Variants in TP53BP1 observed in about 807,000 individuals in gnomAD.
The protein encoded by TP53BP1 is tumor protein p53 binding protein 1.
Under a neutral mutation model 200.8 loss-of-function variants are expected in TP53BP1, and 61 were observed. That is an observed-to-expected ratio of 0.30 (90% CI 0.25 to 0.38). TP53BP1 has a LOEUF of 0.38. Ranked by LOEUF, TP53BP1 falls within the 10% of genes least tolerant of loss-of-function variation. TP53BP1 has a pLI of 1.00. For missense variants in TP53BP1, 2,144 were observed against 2,371.9 expected, an observed-to-expected ratio of 0.90 and a Z score of 2.00; for synonymous variants, 822 against 844.3, an observed-to-expected ratio of 0.97 and a Z score of 0.46.
intron 11 of TP53BP1, among the ~76,000 whole-genome samples, chr15:43,457,515 C>A (rs1386163495): frequency 4.0e-5 from 6 of 151,108 alleles, no homozygotes; most frequent in Non-Finnish European, 8.9e-5. Context: ...ACTAAAAATA[C>A]AAAAAAATCA....
intron 12 of TP53BP1, among the ~76,000 whole-genome samples, chr15:43,454,019 G>A (rs560950870): frequency 8.6e-5 from 13 of 151,834 alleles, no homozygotes; most frequent in Non-Finnish European, 1.3e-4. Flanking sequence ...ATCCTGGCCA[G>A]CATGGTGAAA....
At chr15:43,491,823 C>T (rs1467371119) in intron 3 of TP53BP1, 70 bp from the exon 4 acceptor site, 1 of 1,302,052 alleles carries the variant, frequency 7.7e-7, no homozygotes, top group East Asian at 2.3e-5. Flanking sequence ...ATCAGGAATA[C>T]AGACAATACC....
chr15:43,425,429 C>T (rs1417496664), intron 18 of TP53BP1, among the ~76,000 whole-genome samples: 1 of 152,164 alleles, frequency 6.6e-6, no homozygotes, highest in African/African-American at 2.4e-5. Context: ...CAAGACCAGT[C>T]TGGGCAACAC....
chr15:43,494,670 A>G (rs1455171739), upstream of TP53BP1, among the ~76,000 whole-genome samples: 1 of 152,246 alleles, frequency 6.6e-6, no homozygotes, highest in Admixed American at 6.5e-5. Context: ...AGACCAGGTT[A>G]GAGCAATACT....
rs1364542419 is a variant in TP53BP1 at position 43,477,713 on chromosome 15, C to T, written c.835G>A (p.Glu279Lys). The part of the protein sequence containing the change: ...FSPKASVAAM[E>K]AKEQLSAQEL... The stretch of plus-strand genomic sequence containing the variant: ...TGTGCAGACAACTGTTCTTTTGCTT[C>T]CATAGCAGCAACAGATGCTTTGGGG... Residue 279 changes from glutamate to lysine, a missense_variant, in exon 8 of 28, where the codon GAA (glutamate) becomes AAA (lysine). Glu to Lys is a moderately conservative substitution (Grantham distance 56). This residue lies in a region of TP53BP1 where 1,700 missense variants were observed against 1,710.3 expected (regional missense o/e 0.99). Coordinates refer to ENST00000382044, the MANE Select transcript of TP53BP1 (RefSeq NM_001141980.3). 2.5e-6 allele frequency: 4 copies of T among 1,612,690 alleles called. No homozygotes were observed. The highest frequency in any genetic ancestry group is 3.4e-6 in the Non-Finnish European group (4 of 1,179,480).
At chr15:43,423,524 G>A (rs1397151198) in intron 18 of TP53BP1, among the ~76,000 whole-genome samples, 3 of 151,844 alleles carry the variant, frequency 2.0e-5, no homozygotes, top group Non-Finnish European at 4.4e-5. Flanking sequence ...GGGCATGGTG[G>A]TGCACTCCTG....
chr15:43,474,775 T>C lies in TP53BP1; in HGVS notation c.1086-8A>G, dbSNP rs761793612. On this transcript the variant is annotated splice_region_variant and splice_polypyrimidine_tract_variant and intron_variant, in intron 9 of 27. Coordinates refer to ENST00000382044, the MANE Select transcript of TP53BP1 (RefSeq NM_001141980.3). ...ACAAGATCTGAAGAATTCCTTTATA[T>C]AAAGAGAGAATCACAGGTTATTTTA... is the stretch of plus-strand genomic sequence containing the variant. The C allele has an allele frequency of 4.4e-6, 7 of 1,584,410 alleles. No homozygotes were observed. Among genetic ancestry groups the C allele is most frequent in the South Asian group, 3.3e-5 (3 of 89,986 alleles).
chr15:43,446,796 T>A, intron 13 of TP53BP1: 1 of 1,504,028 alleles, frequency 6.6e-7, no homozygotes, highest in South Asian at 1.2e-5. Context: ...AGGATTCAGT[T>A]CCACTTCTGC....
At chr15:43,432,802 T>G in intron 16 of TP53BP1, 125 bp from the exon 17 acceptor site, 1 of 1,083,986 alleles carries the variant, frequency 9.2e-7, no homozygotes, top group Non-Finnish European at 1.3e-6. Context: ...ATTTGAGAAA[T>G]GTAAGGAAGG....
chr15:43,483,272 A>C (rs1007906483), intron 4 of TP53BP1, among the ~76,000 whole-genome samples: 2 of 151,450 alleles, frequency 1.3e-5, no homozygotes, highest in African/African-American at 4.9e-5. Context: ...ACACACACAC[A>C]GAACAAATGT....
chr15:43,499,069 A>G (rs2079196433), intron 1 of TP53BP1, among the ~76,000 whole-genome samples: 1 of 152,222 alleles, frequency 6.6e-6, no homozygotes, highest in South Asian at 2.1e-4. Flanking sequence ...CTTATGTTTC[A>G]ATGGAAAGAA....
chr15:43,403,459 G>A lies in TP53BP1; in HGVS notation c.*3924C>T, dbSNP rs2044742958. ...GGCTAGATTGGAGGTTTGGTGCAGGGCTAAGAGAGTAATACTCGCTTAGCC... is the reference window on the plus strand; with the variant it reads ...GGCTAGATTGGAGGTTTGGTGCAGGACTAAGAGAGTAATACTCGCTTAGCC... On this transcript the variant is annotated 3_prime_UTR_variant, in exon 28 of 28. Transcript: ENST00000382044. 2 of 471,802 alleles carry A rather than the reference G, an allele frequency of 4.2e-6. No homozygotes were observed. The highest frequency in any genetic ancestry group is 3.6e-5 in the Admixed American group (1 of 27,560). 29.2% of individuals were successfully genotyped at this position (471,802 alleles called of 1,614,324 possible).
In TP53BP1 at chr15:43,406,095, GA is replaced by G. The variant is rs2044865109; in HGVS notation, c.*1287del. 8.1e-6 allele frequency: 1 copy of G among 123,780 alleles called. No homozygotes were observed. The allele number at this position is 123,780 out of a possible 1,614,324, so 7.7% of individuals were successfully genotyped here. On this transcript the variant is annotated 3_prime_UTR_variant, in exon 28 of 28. Transcript: ENST00000382044. The stretch of plus-strand genomic sequence containing the variant: ...TATTCTCCAAGAAAAAGGTCCTTAA[GA>G]AAAAATTGAGATCAAGTTGTTAGAT...
intron 12 of TP53BP1, among the ~76,000 whole-genome samples, chr15:43,454,750 G>A (rs1202823458): frequency 6.6e-6 from 1 of 151,466 alleles, no homozygotes; most frequent in Non-Finnish European, 1.5e-5. Flanking sequence ...TTATTTTTGG[G>A]AAACAGAGTC....
At position 43,479,500 on chromosome 15, in the gene TP53BP1, C is replaced by A; in HGVS notation, c.685G>T (p.Glu229Ter). Residue 229 changes from glutamate to a stop codon, truncating the protein, a stop_gained, in exon 7 of 28, where the codon GAA (glutamate) becomes TAA (stop). Coordinates refer to ENST00000382044, the MANE Select transcript of TP53BP1 (RefSeq NM_001141980.3). LOFTEE classifies it high-confidence loss of function. ...GACTGTTCTGCTATGGGGATATCTT[C>A]GTTGGACTGTTCTTCATGCTTAATT... ...TAIKHEEQSN[E>*]DIPIAEQSSK... is the part of the protein sequence containing the mutation. 6.2e-7 allele frequency: 1 copy of A among 1,612,718 alleles called. No homozygotes were observed. The highest frequency in any genetic ancestry group is 8.5e-7 in the Non-Finnish European group (1 of 1,179,540).
At chr15:43,467,887 G>A (rs948634988) in intron 11 of TP53BP1, among the ~76,000 whole-genome samples, 99 of 151,722 alleles carry the variant, frequency 6.5e-4, no homozygotes, top group African/African-American at 2.2e-3. Flanking sequence ...AGGTTCAAGC[G>A]ATTCTCCTGC....
At chr15:43,466,297 A>G (rs145391783) in intron 11 of TP53BP1, among the ~76,000 whole-genome samples, 1 of 152,316 alleles carries the variant, frequency 6.6e-6, no homozygotes, top group African/African-American at 2.4e-5. Flanking sequence ...CAAAAAGATG[A>G]AACAGAAAGT....
Position 43,404,651 on chromosome 15 carries a change from C to A in TP53BP1, c.*2732G>T. The A allele has an allele frequency of 7.7e-7, 1 of 1,305,034 alleles. No homozygotes were observed. Among genetic ancestry groups the A allele is most frequent in the Non-Finnish European group, 1.1e-6 (1 of 938,478 alleles). 80.8% of individuals were successfully genotyped at this position (1,305,034 alleles called of 1,614,324 possible). ...GGAAGAAGACTTTAGTCCAAATACC[C>A]TCATTTTATAAGTAAGGCTTAGAGA... On this transcript the variant is annotated 3_prime_UTR_variant, in exon 28 of 28. Coordinates refer to ENST00000382044, the MANE Select transcript of TP53BP1 (RefSeq NM_001141980.3).
rs1027931242 is a variant in TP53BP1, at chr15:43,467,426, T to C, written c.1389+2432A>G. ...GGACTGCACTGGCTAAGGCATCTTA[T>C]AAAATATGAGTTCAAAGAAACCTGA... On this transcript the variant is annotated intron_variant, in intron 11 of 27. Transcript: ENST00000382044. Among the ~76,000 whole-genome samples, 52 of 152,180 alleles carry C rather than the reference T, an allele frequency of 3.4e-4. 1 individual carries two copies.
Sources: gnomAD v4.1 joint callset for allele counts (sites outside exome capture counted in the v4.1 genomes callset) on GRCh38, gnomAD v4.1.1 for gene constraint, gnomAD v4.1.1 regional missense constraint, MANE v1.5 for transcripts, NCBI Gene and HGNC (gene_info 2026-07-23, HGNC 2026-07-21) for gene names.